The following FANCI variants were observed in gnomAD, a reference collection of about 807,000 sequenced individuals.
The protein encoded by FANCI is Fanconi anemia group I protein.
Under a neutral mutation model 176.1 loss-of-function variants are expected in FANCI, and 156 were observed. The ratio of observed to expected loss-of-function variants is 0.89; its 90% CI spans 0.78 to 1.01. FANCI has a LOEUF of 1.01. FANCI is among the 50% of genes least tolerant of loss of function. The pLI, the probability that FANCI is intolerant of heterozygous loss-of-function variation, is 0.00. For synonymous variants in FANCI, 613 were observed against 541.7 expected (o/e 1.13, Z -1.83); for missense variants, 1,678 against 1,534.1 (o/e 1.09, Z -1.57).
chr15:89,263,862 G>A, intron 7 of FANCI, 41 bp from the exon 8 acceptor site: 2 of 1,613,142 alleles, frequency 1.2e-6, no homozygotes, highest in Non-Finnish European at 1.7e-6. Flanking sequence ...AAACAAGGCA[G>A]TTAGACACTG....
chr15:89,253,512 A>AAAATAAAT (rs10691127), intron 2 of FANCI, among the ~76,000 whole-genome samples: 210 of 138,640 alleles, frequency 1.5e-3, no homozygotes, highest in African/African-American at 5.2e-3. Context: ...CTGTCTCTTA[A>AAAATAAAT]AAATAAATAA....
chr15:89,257,995 A>G (rs2052568521), intron 2 of FANCI, among the ~76,000 whole-genome samples: 1 of 152,044 alleles, frequency 6.6e-6, no homozygotes, highest in South Asian at 2.1e-4. Flanking sequence ...GATTCTTCAT[A>G]ATCTGGTCCT....
chr15:89,260,193 ATTAACT>A (rs893751189), intron 3 of FANCI, among the ~76,000 whole-genome samples: 5 of 152,176 alleles, frequency 3.3e-5, no homozygotes, highest in Admixed American at 6.5e-5. Flanking sequence ...TGCAAAGAAA[ATTAACT>A]TTAATGATAT....
chr15:89,281,913 G>C lies in FANCI; in HGVS notation c.1583+78G>C, dbSNP rs147352745. On this transcript the variant is annotated intron_variant, in intron 16 of 37. Coordinates refer to ENST00000310775, the MANE Select transcript of FANCI (RefSeq NM_001113378.2). ...CTAAAGTTATCTCTGCCATCTCCTA[G>C]TACCACCTGTTCACAGTGATCATGA... is the stretch of plus-strand genomic sequence containing the variant. 78 of 1,259,386 alleles carry C rather than the reference G, an allele frequency of 6.2e-5. 1 individual carries two copies. The African/African-American group carries it at 1.1e-3, about 17-fold the overall frequency. The allele number at this position is 1,259,386 out of a possible 1,614,324, so 78.0% of individuals were successfully genotyped here.
chr15:89,271,275 A>T (rs1344926779), intron 10 of FANCI, among the ~76,000 whole-genome samples: 2 of 152,092 alleles, frequency 1.3e-5, no homozygotes, highest in Admixed American at 1.3e-4. Context: ...AACATTTTTT[A>T]TCACCCTGTA....
rs377263084 is a variant in FANCI at position 89,316,497 on chromosome 15, G to A, written c.*38G>A. ...AGTTAATGTGAACTTTGGGGCTTCT[G>A]CTTCATTTTTACCCAACAAGCAACA... On this transcript the variant is annotated 3_prime_UTR_variant, in exon 38 of 38. Transcript: ENST00000310775. 1.8e-5 allele frequency: 29 copies of A among 1,579,690 alleles called. No individual in the cohort carries two copies. The highest frequency in any genetic ancestry group is 2.2e-5 in the Non-Finnish European group (25 of 1,159,026).
chr15:89,307,118 G>A (rs1022208059), intron 32 of FANCI, among the ~76,000 whole-genome samples: 7 of 152,218 alleles, frequency 4.6e-5, no homozygotes, highest in Non-Finnish European at 7.3e-5. Flanking sequence ...CTCAGAATGT[G>A]TAGCTCTAGC....
chr15:89,302,806 C>T (rs2151882023), intron 27 of FANCI, among the ~76,000 whole-genome samples: 1 of 152,264 alleles, frequency 6.6e-6, no homozygotes, highest in South Asian at 2.1e-4. Context: ...ATCTCCTGAC[C>T]TCGTGATTCA....
At chr15:89,272,291 G>C (rs988682083) in intron 10 of FANCI, among the ~76,000 whole-genome samples, 1 of 152,082 alleles carries the variant, frequency 6.6e-6, no homozygotes, top group East Asian at 1.9e-4. Flanking sequence ...TTTTTTGAGT[G>C]TGTTGTTTGT....
At chr15:89,286,812 C>T (rs2053833454) in intron 18 of FANCI, among the ~76,000 whole-genome samples, 1 of 152,134 alleles carries the variant, frequency 6.6e-6, no homozygotes, top group Non-Finnish European at 1.5e-5. Context: ...GACTTCTCCT[C>T]CCTAGCTAGG....
intron 34 of FANCI, among the ~76,000 whole-genome samples, chr15:89,312,107 T>G (rs2054987926): frequency 6.6e-6 from 1 of 152,242 alleles, no homozygotes; most frequent in Non-Finnish European, 1.5e-5. Flanking sequence ...TATCTGGTTT[T>G]GGCTTTGCTG....
In FANCI at chr15:89,301,357, A is replaced by C; in HGVS notation, c.2921A>C (p.Glu974Ala). Residue 974 changes from glutamate to alanine, a missense_variant, in exon 27 of 38, where the codon GAG (glutamate) becomes GCG (alanine). Physicochemically the swap from Glu to Ala is moderately radical, Grantham distance 107 (BLOSUM62 -1). Around this residue, in one of 3 missense-constraint regions of FANCI, gnomAD observed 1,204 missense variants for 1,077.4 expected, o/e 1.12. Coordinates refer to ENST00000310775, the MANE Select transcript of FANCI (RefSeq NM_001113378.2). ...RSLLNLLSSQ[E>A]EDFNSKEALL... ...TTGTTGAATTTACTTAGCAGTCAAG[A>C]GGAAGATTTTAATAGCAAAGAAGCC... The C allele has an allele frequency of 6.2e-7, 1 of 1,614,040 alleles. No homozygotes were observed. The highest frequency in any genetic ancestry group is 8.5e-7 in the Non-Finnish European group (1 of 1,179,940).
rs973566807 is a variant in FANCI, at chr15:89,281,756, C to G, written c.1513-9C>G. The G allele has an allele frequency of 9.9e-6, 16 of 1,613,536 alleles. No individual in the cohort carries two copies. Among genetic ancestry groups the G allele is most frequent in the African/African-American group, 1.3e-5 (1 of 74,924 alleles). On this transcript the variant is annotated splice_polypyrimidine_tract_variant and intron_variant, in intron 15 of 37. Coordinates refer to ENST00000310775, the MANE Select transcript of FANCI (RefSeq NM_001113378.2). ...CTTGTTCTGTTTTTACCCACTGATT[C>G]TTTTTCAGCCCCTTCTCAAAGTCAG...
At chr15:89,273,680 C>T (rs964094982) in intron 11 of FANCI, among the ~76,000 whole-genome samples, 7 of 152,106 alleles carry the variant, frequency 4.6e-5, no homozygotes, top group African/African-American at 1.4e-4. Context: ...TTTATTCCTC[C>T]GTTTCCTGTT....
intron 7 of FANCI, 77 bp downstream of exon 7, chr15:89,263,537 C>A: frequency 8.5e-7 from 1 of 1,181,490 alleles, no homozygotes; most frequent in Non-Finnish European, 1.3e-6. Context: ...CTATAGCAAA[C>A]GTAAACATCA....
At chr15:89,300,098 G>A in intron 25 of FANCI, 132 bp downstream of exon 25, 2 of 1,105,420 alleles carry the variant, frequency 1.8e-6, no homozygotes, top group South Asian at 2.6e-5. Context: ...ACATCTAGTG[G>A]ATTCAGGATT....
At chr15:89,290,572 C>T in intron 19 of FANCI, 2 of 335,216 alleles carry the variant, frequency 6.0e-6, no homozygotes, top group South Asian at 9.3e-5. Context: ...CAACTGTATC[C>T]ATTATGTTAT....
chr15:89,295,245 T>G (rs1228275314), intron 24 of FANCI, among the ~76,000 whole-genome samples, 151 bp downstream of exon 24: 1 of 151,776 alleles, frequency 6.6e-6, no homozygotes, highest in African/African-American at 2.4e-5. Flanking sequence ...CAGGCACTTG[T>G]AATCCCAGCT....
chr15:89,297,919 C>T lies in FANCI; in HGVS notation c.2637-1881C>T, dbSNP rs1433232875. ...TCTTGCTTTGATATGGATTGTTAGT[C>T]ACATATAAAATGTTATGCTATTATT... On this transcript the variant is annotated intron_variant, in intron 24 of 37. Coordinates refer to ENST00000310775, the MANE Select transcript of FANCI (RefSeq NM_001113378.2). Among the ~76,000 whole-genome samples the T allele has an allele frequency of 2.6e-5, 4 of 151,118 alleles. No homozygotes were observed. In the East Asian group the frequency reaches 7.8e-4, roughly 29 times the overall value.
Sources: gnomAD v4.1 joint callset for allele counts (sites outside exome capture counted in the v4.1 genomes callset) on GRCh38, gnomAD v4.1.1 for gene constraint, gnomAD v4.1.1 regional missense constraint, MANE v1.5 for transcripts, NCBI Gene and HGNC (gene_info 2026-07-23, HGNC 2026-07-21) for gene names.